GLIS3: variants seen among roughly 807,000 people sequenced by gnomAD.
GLIS3 encodes GLIS family zinc finger 3, also known as zinc finger protein GLIS3.
GLIS3 carries 53 observed loss-of-function variants against 78.6 expected under a neutral mutation model. The ratio of observed to expected loss-of-function variants is 0.67; its 90% CI spans 0.54 to 0.85. The LOEUF (loss-of-function observed/expected upper bound fraction) is 0.85. GLIS3 is among the 40% of genes least tolerant of loss of function. The pLI, the probability that GLIS3 is intolerant of heterozygous loss-of-function variation, is 0.00. For synonymous variants in GLIS3, 684 were observed against 509.9 expected (o/e 1.34, Z -4.60); for missense variants, 1,703 against 1,231.1 (o/e 1.38, Z -5.74).
chr9:4,024,249 C>G (rs1173239448), intron 4 of GLIS3, among the ~76,000 whole-genome samples: 1 of 152,136 alleles, frequency 6.6e-6, no homozygotes, highest in Non-Finnish European at 1.5e-5. Flanking sequence ...TAAACCTTCT[C>G]AAAAAGGAAG....
chr9:3,974,985 A>G (rs926033550), intron 4 of GLIS3: 1 of 152,142 alleles, frequency 6.6e-6, no homozygotes, highest in Non-Finnish European at 1.5e-5. Flanking sequence ...TGGGATTTGG[A>G]GGAAGAGGCA....
chr9:4,130,798 G>A (rs796229024), intron 2 of GLIS3, among the ~76,000 whole-genome samples: 7 of 152,296 alleles, frequency 4.6e-5, no homozygotes, highest in African/African-American at 1.7e-4. Context: ...CTGCAGTACT[G>A]CGTAATGGAG....
At chr9:3,895,232 A>C (rs1282724632) in intron 7 of GLIS3, among the ~76,000 whole-genome samples, 1 of 152,260 alleles carries the variant, frequency 6.6e-6, no homozygotes, top group African/African-American at 2.4e-5. Context: ...ACTTCGATCA[A>C]CAGGCTATGA....
chr9:4,463,311 A>G, the GLIS3 span, among the ~76,000 whole-genome samples: 7 of 152,338 alleles, frequency 4.6e-5, no homozygotes, highest in Middle Eastern at 3.4e-3. Context: ...TTAAGCTGAT[A>G]GAGTAAGAAA....
At chr9:3,855,840 A>G (rs890734447) in intron 9 of GLIS3, 169 bp downstream of exon 9, 4 of 741,902 alleles carry the variant, frequency 5.4e-6, no homozygotes, top group Non-Finnish European at 9.4e-6. Flanking sequence ...AGTCAGGAAA[A>G]TACCATAGGA....
intron 2 of GLIS3, among the ~76,000 whole-genome samples, chr9:4,314,428 C>T (rs570349603): frequency 6.6e-6 from 1 of 152,182 alleles, no homozygotes; most frequent in South Asian, 2.1e-4. Context: ...GATGCATGCA[C>T]ACAATATGTT....
chr9:4,368,745 G>C, the GLIS3 span, among the ~76,000 whole-genome samples: 4 of 152,188 alleles, frequency 2.6e-5, no homozygotes, highest in African/African-American at 4.8e-5. Context: ...TGGCTCCTCA[G>C]CTTTAAGAAG....
intron 4 of GLIS3, among the ~76,000 whole-genome samples, chr9:4,058,792 A>C (rs1196819806): frequency 6.6e-6 from 1 of 152,062 alleles, no homozygotes; most frequent in African/African-American, 2.4e-5. Flanking sequence ...CATCCTGGCT[A>C]ACACAGTGAA....
chr9:4,370,049 G>A, the GLIS3 span, among the ~76,000 whole-genome samples: 28 of 151,716 alleles, frequency 1.8e-4, no homozygotes, highest in South Asian at 4.2e-4. Context: ...AAAATTAGCC[G>A]GGCCTGGTGG....
chr9:4,308,681 G>C (rs1817289197), intron 4 of GLIS3: 1 of 152,254 alleles, frequency 6.6e-6, no homozygotes. Context: ...TGGGATCTAG[G>C]CATCAGGACT....
chr9:3,894,895 T>C (rs563082228), intron 7 of GLIS3, among the ~76,000 whole-genome samples: 1 of 152,272 alleles, frequency 6.6e-6, no homozygotes, highest in South Asian at 2.1e-4. Flanking sequence ...CCTTGATGAG[T>C]AGTTTCTGTG....
At chr9:4,194,030 C>T (rs1043384834) in intron 2 of GLIS3, among the ~76,000 whole-genome samples, 3 of 152,110 alleles carry the variant, frequency 2.0e-5, no homozygotes, top group Admixed American at 2.0e-4. Context: ...TACATTTTGG[C>T]CTTGCCGCTT....
the GLIS3 span, among the ~76,000 whole-genome samples, chr9:4,481,944 C>T: frequency 6.6e-6 from 1 of 152,134 alleles, no homozygotes; most frequent in African/African-American, 2.4e-5. Context: ...ATAAATTTTG[C>T]AATTGTAAAT....
the GLIS3 span, among the ~76,000 whole-genome samples, chr9:4,489,360 T>G: frequency 2.6e-5 from 4 of 152,154 alleles, no homozygotes; most frequent in African/African-American, 4.8e-5. Context: ...GGGATGAAGC[T>G]CTAATTGTGG....
At chr9:4,146,524 C>G (rs1489219957) in intron 2 of GLIS3, among the ~76,000 whole-genome samples, 1 of 152,204 alleles carries the variant, frequency 6.6e-6, no homozygotes, top group Admixed American at 6.5e-5. Flanking sequence ...TCATCTCTGA[C>G]ATGCAACACT....
chr9:3,974,366 G>A (rs765991927), intron 4 of GLIS3, among the ~76,000 whole-genome samples: 32 of 152,140 alleles, frequency 2.1e-4, no homozygotes, highest in Non-Finnish European at 4.7e-4. Context: ...TAACAGTGGG[G>A]TTGTGTTTCT....
intron 6 of GLIS3, among the ~76,000 whole-genome samples, chr9:3,918,847 T>A (rs1015495501): frequency 1.2e-4 from 18 of 152,188 alleles, no homozygotes; most frequent in South Asian, 2.1e-4. Flanking sequence ...GAGGTCCAAT[T>A]TCAACCAATT....
the GLIS3 span, among the ~76,000 whole-genome samples, chr9:4,437,050 C>T: frequency 9.1e-4 from 139 of 152,042 alleles, no homozygotes; most frequent in African/African-American, 3.3e-3. Flanking sequence ...GAAGAATTTT[C>T]TAGAAGGTGT....
At chr9:4,347,821 G>A (rs565823536) in intron 1 of GLIS3, among the ~76,000 whole-genome samples, 3 of 152,076 alleles carry the variant, frequency 2.0e-5, no homozygotes. Context: ...TGACAGGCTT[G>A]AACACAACTA....
Sources: gnomAD v4.1 joint callset for allele counts (sites outside exome capture counted in the v4.1 genomes callset) on GRCh38, gnomAD v4.1.1 for gene constraint, MANE v1.5 for transcripts, NCBI Gene and HGNC (gene_info 2026-07-23, HGNC 2026-07-21) for gene names.